Variants in NDC1 observed in about 807,000 individuals in gnomAD.
NDC1 encodes the protein nucleoporin NDC1.
A neutral mutation model predicts 89.8 loss-of-function variants in NDC1; 24 were observed. The ratio of observed to expected loss-of-function variants is 0.27; its 90% CI spans 0.19 to 0.38. NDC1 has a LOEUF of 0.38. Ranked by LOEUF, NDC1 falls within the 10% of genes least tolerant of loss-of-function variation. The pLI is 1.00. For missense variants in NDC1, 728 were observed against 797.6 expected (o/e 0.91, Z 1.05); for synonymous variants, 296 against 284.8 (o/e 1.04, Z -0.39).
At chr1:53,818,902 G>C in intron 6 of NDC1, 69 bp downstream of exon 6, 1 of 709,402 alleles carries the variant, frequency 1.4e-6, no homozygotes, top group African/African-American at 1.8e-5. Context: ...ACACAAGAAT[G>C]ACTTTGTAAC....
At chr1:53,814,181 G>A (rs967728588) in intron 6 of NDC1, among the ~76,000 whole-genome samples, 2 of 151,968 alleles carry the variant, frequency 1.3e-5, no homozygotes, top group East Asian at 1.9e-4. Context: ...GTGAAACCCC[G>A]TCTCTACTAA....
intron 6 of NDC1, among the ~76,000 whole-genome samples, chr1:53,812,938 T>C (rs1255500285): frequency 1.3e-5 from 2 of 152,208 alleles, no homozygotes; most frequent in African/African-American, 2.4e-5. Flanking sequence ...CTAGAAGGGA[T>C]TGGGGCTCTA....
chr1:53,811,522 T>C (rs1328565764), intron 6 of NDC1, among the ~76,000 whole-genome samples: 1 of 152,060 alleles, frequency 6.6e-6, no homozygotes, highest in Non-Finnish European at 1.5e-5. Context: ...ACAGCCTGCA[T>C]GACTCAGCAG....
At chr1:53,787,894 G>C (rs1409100002) in intron 15 of NDC1, among the ~76,000 whole-genome samples, 2 of 150,552 alleles carry the variant, frequency 1.3e-5, no homozygotes, top group East Asian at 3.9e-4. Flanking sequence ...CATGTGGTAA[G>C]GGCATACAGT....
rs571220148 is a variant in NDC1 at position 53,818,940 on chromosome 1, T to G, written c.703+31A>C. The G allele has an allele frequency of 5.1e-6, 5 of 975,948 alleles. No individual in the cohort carries two copies. In the South Asian group the frequency reaches 5.8e-5, roughly 11 times the overall value. 60.5% of individuals were successfully genotyped at this position (975,948 alleles called of 1,614,324 possible). On this transcript the variant is annotated intron_variant, in intron 6 of 17. Transcript: ENST00000371429. ...ACATTTTCTGGGCTATGAGATAATATATCACTGTATCAAAAAGCAGAAATT... is the reference window on the plus strand; with the variant it reads ...ACATTTTCTGGGCTATGAGATAATAGATCACTGTATCAAAAAGCAGAAATT...
intron 11 of NDC1, among the ~76,000 whole-genome samples, chr1:53,798,621 C>G (rs1411300047): frequency 6.7e-6 from 1 of 149,868 alleles, no homozygotes; most frequent in Non-Finnish European, 1.5e-5. Flanking sequence ...GTGGCATGAT[C>G]TCAGCTCACT....
rs1245168900 is a variant in NDC1, at chr1:53,775,447, T to G, written c.1801-2958A>C. ...AATTTTTTCGTATTTTTAGTAGAGA[T>G]AGGGTTTCACCATATTGGCCAGGCT... On this transcript the variant is annotated intron_variant, in intron 16 of 17. Transcript: ENST00000371429. Among the ~76,000 whole-genome samples the G allele has an allele frequency of 2.6e-5, 4 of 151,936 alleles. No homozygotes were observed. In the South Asian group the frequency reaches 8.3e-4, roughly 32 times the overall value.
rs376291549 is a variant in NDC1, at chr1:53,787,126, C to T, written c.1800+32G>A. 5.7e-6 allele frequency: 7 copies of T among 1,231,712 alleles called. No individual in the cohort carries two copies. In the African/African-American group the frequency reaches 1.0e-4, roughly 18 times the overall value. 76.3% of individuals were successfully genotyped at this position (1,231,712 alleles called of 1,614,324 possible). On this transcript the variant is annotated intron_variant, in intron 16 of 17. Transcript: ENST00000371429. ...GCACTGGGTGGGAGGGGAAGATGACCTCTACCCCCTCCCAACCCACAGATT... is the reference window on the plus strand; with the variant it reads ...GCACTGGGTGGGAGGGGAAGATGACTTCTACCCCCTCCCAACCCACAGATT...
At position 53,797,115 on chromosome 1, in the gene NDC1, T is replaced by C; in HGVS notation, c.1252A>G (p.Ser418Gly). Reference protein sequence around the residue: ...EETAFQTPKSSQMPRPSVPPL... With the variant: ...EETAFQTPKSGQMPRPSVPPL... The stretch of plus-strand genomic sequence containing the variant: ...GGCACTGAAGGCCGAGGCATCTGGC[T>C]AGATTTTGGTGTCTGAAAAGCAGTT... Residue 418 changes from serine (S) to glycine (G), a missense_variant, in exon 12 of 18, where the codon AGC becomes GGC. Coordinates refer to ENST00000371429, the MANE Select transcript of NDC1 (RefSeq NM_018087.5). 6.2e-7 allele frequency: 1 copy of C among 1,614,166 alleles called. No homozygotes were observed. Among genetic ancestry groups the C allele is most frequent in the South Asian group, 1.1e-5 (1 of 91,080 alleles).
intron 14 of NDC1, among the ~76,000 whole-genome samples, chr1:53,791,939 CCTT>C (rs1166897162): frequency 3.0e-4 from 45 of 151,866 alleles, no homozygotes; most frequent in African/African-American, 1.0e-3. Context: ...GTTATTTTCC[CCTT>C]CTTCTTTTTT....
chr1:53,809,269 T>G (rs951703777), intron 7 of NDC1, among the ~76,000 whole-genome samples: 51 of 152,238 alleles, frequency 3.4e-4, no homozygotes, highest in African/African-American at 1.1e-3. Flanking sequence ...AAGCTGCATC[T>G]AAGAACAATT....
In NDC1 at chr1:53,819,038, T is replaced by C. The variant is rs371444588; in HGVS notation, c.636A>G (p.Leu212=). ...FLRFRRSLLL[L]VKHSCVESLF... is the part of the protein sequence containing the mutation. ...GTGATTCCACACAACTGTGTTTAAC[T>C]AATAAGAGCAGAGATCTCCTAAAAC... Residue 212 remains leucine (L), a synonymous_variant, in exon 6 of 18, where the codon TTA becomes TTG. Transcript: ENST00000371429. 3.2e-6 allele frequency: 5 copies of C among 1,581,602 alleles called. No individual in the cohort carries two copies. Among genetic ancestry groups the C allele is most frequent in the Non-Finnish European group, 3.4e-6 (4 of 1,167,100 alleles).
chr1:53,821,226 G>C (rs1267910703), intron 5 of NDC1, among the ~76,000 whole-genome samples: 1 of 151,978 alleles, frequency 6.6e-6, no homozygotes, highest in African/African-American at 2.4e-5. Flanking sequence ...TTGAGGCCAG[G>C]AGTTCAAGAC....
chr1:53,789,152 C>CAT lies in NDC1; in HGVS notation c.1678_1679dup (p.Met560IlefsTer7). ...GCTTACCTTCTAATGCCCAAATATG[C>CAT]ATTTGGGCATCTGAAAAAACAGCCT... On this transcript the variant is annotated frameshift_variant, in exon 15 of 18. Coordinates refer to ENST00000371429, the MANE Select transcript of NDC1 (RefSeq NM_018087.5). LOFTEE classifies it high-confidence loss of function. The CAT allele has an allele frequency of 6.2e-7, 1 of 1,602,358 alleles. No homozygotes were observed. Among genetic ancestry groups the CAT allele is most frequent in the South Asian group, 1.1e-5 (1 of 90,052 alleles).
intron 2 of NDC1, among the ~76,000 whole-genome samples, chr1:53,834,937 G>A (rs764167646): frequency 3.1e-4 from 47 of 152,058 alleles, no homozygotes; most frequent in African/African-American, 1.0e-3. Context: ...GCAAAACCCC[G>A]TATCTACTAA....
chr1:53,777,365 T>C (rs1221143418), intron 16 of NDC1, among the ~76,000 whole-genome samples: 1 of 152,136 alleles, frequency 6.6e-6, no homozygotes, highest in Admixed American at 6.5e-5. Context: ...CTCTTTGTTC[T>C]CTAAAAGACC....
At chr1:53,816,519 C>T (rs1241575664) in intron 6 of NDC1, among the ~76,000 whole-genome samples, 1 of 151,888 alleles carries the variant, frequency 6.6e-6, no homozygotes, top group Non-Finnish European at 1.5e-5. Context: ...TTGAAAAAAA[C>T]CCTTCTAGAC....
At chr1:53,786,195 G>T (rs57636358) in intron 16 of NDC1, among the ~76,000 whole-genome samples, 6 of 151,988 alleles carry the variant, frequency 3.9e-5, no homozygotes, top group Admixed American at 3.9e-4. Context: ...CAAAGTGTTG[G>T]GATTATAGGT....
At chr1:53,785,481 A>G (rs1647279863) in intron 16 of NDC1, among the ~76,000 whole-genome samples, 1 of 152,252 alleles carries the variant, frequency 6.6e-6, no homozygotes, top group Admixed American at 6.5e-5. Flanking sequence ...TGCTCAAAGC[A>G]AAAGAATCAC....
Sources: gnomAD v4.1 joint callset for allele counts (sites outside exome capture counted in the v4.1 genomes callset) on GRCh38, gnomAD v4.1.1 for gene constraint, MANE v1.5 for transcripts, NCBI Gene and HGNC (gene_info 2026-07-23, HGNC 2026-07-21) for gene names.